Variants in CTDSPL2 observed in about 807,000 individuals in gnomAD.
CTDSPL2 encodes CTD small phosphatase-like protein 2.
CTDSPL2 carries 5 observed loss-of-function variants against 60.0 expected under a neutral mutation model. The observed-to-expected ratio is 0.08, with a 90% CI of 0.04 to 0.18. The LOEUF is 0.18. CTDSPL2 is among the 10% of genes least tolerant of loss of function. The pLI, the probability that CTDSPL2 is intolerant of heterozygous loss-of-function variation, is 1.00. For missense variants in CTDSPL2, 370 were observed against 548.8 expected, an observed-to-expected ratio of 0.67 and a Z score of 3.26; for synonymous variants, 186 against 189.3, an observed-to-expected ratio of 0.98 and a Z score of 0.14.
chr15:44,471,088 C>G (rs2080800241), intron 2 of CTDSPL2, among the ~76,000 whole-genome samples: 1 of 152,162 alleles, frequency 6.6e-6, no homozygotes, highest in African/African-American at 2.4e-5. Flanking sequence ...TATAGAGTTT[C>G]ATAGGATTAT....
intron 5 of CTDSPL2, among the ~76,000 whole-genome samples, chr15:44,493,084 C>CT (rs373492274): frequency 0.011 from 1,672 of 148,084 alleles, 40 homozygotes; most frequent in African/African-American, 0.038. Flanking sequence ...TTATGAGCAC[C>CT]TTTTTTTTTT....
intron 2 of CTDSPL2, among the ~76,000 whole-genome samples, chr15:44,470,271 TA>T (rs1431033641): frequency 6.6e-6 from 1 of 151,814 alleles, no homozygotes; most frequent in Non-Finnish European, 1.5e-5. Flanking sequence ...TTCATGTATT[TA>T]TAAGCGTATG....
intron 2 of CTDSPL2, among the ~76,000 whole-genome samples, chr15:44,483,271 A>AG (rs1249251334): frequency 1.3e-5 from 2 of 151,894 alleles, no homozygotes; most frequent in African/African-American, 4.8e-5. Flanking sequence ...TCAAAAAAAA[A>AG]AAAAAGAAAA....
At chr15:44,442,837 G>A (rs766149969) in intron 1 of CTDSPL2, among the ~76,000 whole-genome samples, 30 of 152,236 alleles carry the variant, frequency 2.0e-4, no homozygotes, top group Admixed American at 6.5e-4. Flanking sequence ...TTAGCTGGGC[G>A]TAGTAGTGCA....
At chr15:44,518,486 A>G (rs1595782075) in intron 10 of CTDSPL2, among the ~76,000 whole-genome samples, 1 of 152,236 alleles carries the variant, frequency 6.6e-6, no homozygotes, top group Non-Finnish European at 1.5e-5. Flanking sequence ...CTTTTTTCAA[A>G]TGATCATACA....
intron 2 of CTDSPL2, among the ~76,000 whole-genome samples, chr15:44,467,782 C>G (rs558699609): frequency 6.6e-6 from 1 of 152,242 alleles, no homozygotes; most frequent in African/African-American, 2.4e-5. Flanking sequence ...ACCATGTTGG[C>G]CAGGCTGGTC....
intron 1 of CTDSPL2, among the ~76,000 whole-genome samples, chr15:44,449,988 CAAA>C (rs35999965): frequency 7.0e-6 from 1 of 143,766 alleles, no homozygotes; most frequent in African/African-American, 2.6e-5. Flanking sequence ...GAGTCTGTCT[CAAA>C]AAAAAAAAAA....
At chr15:44,429,040 A>C (rs1430587625) in intron 1 of CTDSPL2, among the ~76,000 whole-genome samples, 1 of 152,186 alleles carries the variant, frequency 6.6e-6, no homozygotes, top group African/African-American at 2.4e-5. Flanking sequence ...GTTCACATTG[A>C]ATATCAGTTG....
intron 2 of CTDSPL2, among the ~76,000 whole-genome samples, chr15:44,478,312 C>T (rs1376517010): frequency 5.3e-5 from 8 of 151,508 alleles, no homozygotes; most frequent in Admixed American, 4.0e-4. Context: ...ATTTCCTCAG[C>T]GTGGTGGCAG....
rs1416984659 is a variant in CTDSPL2, at chr15:44,527,889, T to C, written c.*3715T>C. 1 of 152,222 alleles carries C rather than the reference T, an allele frequency of 6.6e-6. No individual in the cohort carries two copies. Among genetic ancestry groups the C allele is most frequent in the Non-Finnish European group, 1.5e-5 (1 of 68,026 alleles). The allele number at this position is 152,222 out of a possible 1,614,324, so 9.4% of individuals were successfully genotyped here. ...GTATAGTATTTTTTTAGTGCTGATGTCATTACTTCTCATGTCTTCCCCTGA... is the reference window on the plus strand; with the variant it reads ...GTATAGTATTTTTTTAGTGCTGATGCCATTACTTCTCATGTCTTCCCCTGA... On this transcript the variant is annotated 3_prime_UTR_variant, in exon 13 of 13. Transcript: ENST00000260327.
chr15:44,489,016 G>A (rs1367047169), intron 4 of CTDSPL2, among the ~76,000 whole-genome samples: 1 of 152,008 alleles, frequency 6.6e-6, no homozygotes. Flanking sequence ...CTAGTGGAAG[G>A]GACTTGGGAA....
chr15:44,465,694 G>A (rs1364033613), intron 2 of CTDSPL2, among the ~76,000 whole-genome samples: 1 of 149,824 alleles, frequency 6.7e-6, no homozygotes, highest in African/African-American at 2.5e-5. Flanking sequence ...AGTTTTATTT[G>A]GGAATTTTCC....
At chr15:44,482,770 A>G (rs2081051047) in intron 2 of CTDSPL2, among the ~76,000 whole-genome samples, 1 of 152,196 alleles carries the variant, frequency 6.6e-6, no homozygotes. Flanking sequence ...CTTGTAGAAA[A>G]TGTATGTTAG....
At chr15:44,445,014 T>A (rs1204553149) in intron 1 of CTDSPL2, among the ~76,000 whole-genome samples, 2 of 151,340 alleles carry the variant, frequency 1.3e-5, no homozygotes, top group African/African-American at 2.4e-5. Context: ...TAATTTTTTT[T>A]ATATTTTTAG....
intron 1 of CTDSPL2, among the ~76,000 whole-genome samples, chr15:44,456,735 T>C (rs1246999649): frequency 6.6e-6 from 1 of 152,044 alleles, no homozygotes; most frequent in African/African-American, 2.4e-5. Flanking sequence ...TTTGTGTCTC[T>C]ATCTCCCTCA....
intron 11 of CTDSPL2, 196 bp from the exon 12 acceptor site, chr15:44,521,115 C>T: frequency 1.3e-5 from 4 of 317,746 alleles, no homozygotes; most frequent in Non-Finnish European, 1.7e-5. Flanking sequence ...ACTGAAAAAC[C>T]AATAGGCTTC....
intron 1 of CTDSPL2, among the ~76,000 whole-genome samples, chr15:44,432,756 A>C (rs546705884): frequency 1.3e-5 from 2 of 151,206 alleles, no homozygotes; most frequent in South Asian, 2.1e-4. Flanking sequence ...AATAGCTGGC[A>C]TTACAGGTGC....
At chr15:44,451,349 A>G (rs770154679) in intron 1 of CTDSPL2, among the ~76,000 whole-genome samples, 8 of 151,980 alleles carry the variant, frequency 5.3e-5, no homozygotes, top group Non-Finnish European at 8.8e-5. Flanking sequence ...GGCTCAAGCA[A>G]TCCTCCCGCC....
chr15:44,487,055 A>G (rs913295057), intron 4 of CTDSPL2, among the ~76,000 whole-genome samples: 3 of 152,224 alleles, frequency 2.0e-5, no homozygotes, highest in African/African-American at 7.2e-5. Context: ...GATGTGAGCA[A>G]CTGTGCCCAG....
Sources: gnomAD v4.1 joint callset for allele counts (sites outside exome capture counted in the v4.1 genomes callset) on GRCh38, gnomAD v4.1.1 for gene constraint, MANE v1.5 for transcripts, NCBI Gene and HGNC (gene_info 2026-07-23, HGNC 2026-07-21) for gene names.